GALNT13: variants seen among roughly 807,000 people sequenced by gnomAD.
GALNT13 encodes the protein UDP-GalNAc:polypeptide N-acetylgalactosaminyltransferase 13.
In GALNT13, 28 loss-of-function variants were observed where a neutral mutation model predicts 64.2. The ratio of observed to expected loss-of-function variants is 0.44; its 90% confidence interval spans 0.32 to 0.60. GALNT13 has a LOEUF of 0.60. GALNT13 is among the 20% of genes least tolerant of loss of function. The pLI, the probability that GALNT13 is intolerant of heterozygous loss-of-function variation, is 0.05. For synonymous variants in GALNT13, 214 were observed against 224.6 expected (o/e 0.95, Z 0.42); for missense variants, 577 against 669.8 (o/e 0.86, Z 1.53).
At chr2:154,351,490 T>C (rs1359389301) in intron 9 of GALNT13, among the ~76,000 whole-genome samples, 3 of 151,846 alleles carry the variant, frequency 2.0e-5, no homozygotes, top group Non-Finnish European at 4.4e-5. Context: ...GAGACCATCC[T>C]GGCTAACACG....
chr2:153,415,782 T>C, the GALNT13 span, among the ~76,000 whole-genome samples: 24 of 152,216 alleles, frequency 1.6e-4, no homozygotes, highest in Non-Finnish European at 8.8e-5. Flanking sequence ...CTGTTTCTGC[T>C]GTGAGAATAG....
intron 8 of GALNT13, among the ~76,000 whole-genome samples, chr2:154,266,979 A>C (rs1221867394): frequency 6.6e-6 from 1 of 152,078 alleles, no homozygotes; most frequent in African/African-American, 2.4e-5. Context: ...AATAATCAAG[A>C]CTGTGTGTTA....
chr2:154,003,642 C>T (rs1305056787), intron 3 of GALNT13, among the ~76,000 whole-genome samples: 1 of 152,052 alleles, frequency 6.6e-6, no homozygotes, highest in Non-Finnish European at 1.5e-5. Context: ...GTGTCCTTAC[C>T]CAAATCTCAT....
the GALNT13 span, among the ~76,000 whole-genome samples, chr2:153,091,955 A>T: frequency 6.6e-6 from 1 of 152,014 alleles, no homozygotes; most frequent in Admixed American, 6.6e-5. Context: ...ATGTTTTCTG[A>T]TAGTAGTTTT....
chr2:153,731,892 G>C, the GALNT13 span, among the ~76,000 whole-genome samples: 7 of 151,850 alleles, frequency 4.6e-5, no homozygotes, highest in African/African-American at 1.7e-4. Flanking sequence ...TGTTTTGTTT[G>C]TTTTATATAA....
At chr2:154,023,210 A>G (rs527349466) in intron 3 of GALNT13, among the ~76,000 whole-genome samples, 86 of 152,210 alleles carry the variant, frequency 5.7e-4, no homozygotes, top group Middle Eastern at 6.8e-3. Context: ...TATTAGGTCC[A>G]CTTGGTGCAG....
chr2:153,807,265 A>T, the GALNT13 span, among the ~76,000 whole-genome samples: 8 of 151,970 alleles, frequency 5.3e-5, no homozygotes, highest in African/African-American at 1.9e-4. Context: ...ACATGTACAT[A>T]TGCAATAATG....
chr2:153,127,320 A>AT, the GALNT13 span, among the ~76,000 whole-genome samples: 1 of 152,188 alleles, frequency 6.6e-6, no homozygotes, highest in African/African-American at 2.4e-5. Context: ...TGGGCATCAG[A>AT]TTTTTTTTAA....
chr2:153,188,006 G>T, the GALNT13 span, among the ~76,000 whole-genome samples: 4 of 151,710 alleles, frequency 2.6e-5, no homozygotes, highest in African/African-American at 7.3e-5. Flanking sequence ...ATATAAGCAT[G>T]TATTCATGAT....
At chr2:153,781,377 T>C in the GALNT13 span, among the ~76,000 whole-genome samples, 6 of 152,166 alleles carry the variant, frequency 3.9e-5, no homozygotes, top group African/African-American at 1.4e-4. Context: ...TCTTGTCCTG[T>C]TATAAGAAAA....
the GALNT13 span, among the ~76,000 whole-genome samples, chr2:153,378,949 T>C: frequency 6.6e-6 from 1 of 152,110 alleles, no homozygotes; most frequent in South Asian, 2.1e-4. Context: ...TTTTGGTGTT[T>C]CCTCTTAAGC....
the GALNT13 span, among the ~76,000 whole-genome samples, chr2:153,607,488 G>A: frequency 6.6e-6 from 1 of 152,096 alleles, no homozygotes; most frequent in East Asian, 1.9e-4. Flanking sequence ...AAGAACTCAA[G>A]TGTCAGTAAA....
At chr2:153,987,248 A>T (rs66762052) in intron 3 of GALNT13, among the ~76,000 whole-genome samples, 28,219 of 151,828 alleles carry the variant, frequency 0.19, 3,358 homozygotes, top group Non-Finnish European at 0.26. Flanking sequence ...AGTCTGTGGG[A>T]AGAAGAATTG....
the GALNT13 span, among the ~76,000 whole-genome samples, chr2:153,237,817 T>C: frequency 6.6e-6 from 1 of 152,074 alleles, no homozygotes; most frequent in African/African-American, 2.4e-5. Flanking sequence ...CTCTTTGATA[T>C]AATAATTTCT....
chr2:154,187,763 C>A (rs1167393183), intron 4 of GALNT13, among the ~76,000 whole-genome samples: 1 of 152,044 alleles, frequency 6.6e-6, no homozygotes, highest in East Asian at 1.9e-4. Flanking sequence ...TAATTTACTG[C>A]ATACATACAA....
chr2:153,986,700 T>A (rs1397841900), intron 3 of GALNT13, among the ~76,000 whole-genome samples: 3 of 151,908 alleles, frequency 2.0e-5, no homozygotes, highest in African/African-American at 7.2e-5. Flanking sequence ...AGCCTTTGTT[T>A]GTTGAAAGCC....
At chr2:153,513,356 T>TA in the GALNT13 span, among the ~76,000 whole-genome samples, 1 of 152,232 alleles carries the variant, frequency 6.6e-6, no homozygotes, top group African/African-American at 2.4e-5. Flanking sequence ...CCACAAGTCC[T>TA]ATTTGTTTTG....
At chr2:153,118,359 A>G in the GALNT13 span, among the ~76,000 whole-genome samples, 1 of 152,132 alleles carries the variant, frequency 6.6e-6, no homozygotes, top group Non-Finnish European at 1.5e-5. Flanking sequence ...CAGGGCAACC[A>G]TCACCCCTTT....
chr2:154,341,940 C>T (rs188597692), intron 9 of GALNT13, among the ~76,000 whole-genome samples: 1 of 151,970 alleles, frequency 6.6e-6, no homozygotes, highest in African/African-American at 2.4e-5. Flanking sequence ...GCAGGTTGAA[C>T]AGATATGTGT....
Sources: gnomAD v4.1 joint callset for allele counts (sites outside exome capture counted in the v4.1 genomes callset) on GRCh38, gnomAD v4.1.1 for gene constraint, MANE v1.5 for transcripts, NCBI Gene and HGNC (gene_info 2026-07-23, HGNC 2026-07-21) for gene names.